Variants in PTPRT observed in about 807,000 individuals in gnomAD.
The protein encoded by PTPRT is protein tyrosine phosphatase receptor type T, also known as receptor-type tyrosine-protein phosphatase T.
PTPRT carries 56 observed loss-of-function variants against 176.8 expected under a neutral mutation model. The ratio of observed to expected loss-of-function variants is 0.32; its 90% CI spans 0.26 to 0.40. The LOEUF is 0.40. Ranked by LOEUF, PTPRT falls within the 10% of genes least tolerant of loss-of-function variation. The pLI is 1.00. For missense variants in PTPRT, 1,540 were observed against 1,908.2 expected (o/e 0.81, Z 3.60); for synonymous variants, 783 against 739.0 (o/e 1.06, Z -0.96).
chr20:42,241,840 T>G (rs892553081), intron 14 of PTPRT, among the ~76,000 whole-genome samples: 2 of 152,102 alleles, frequency 1.3e-5, no homozygotes, highest in African/African-American at 4.8e-5. Flanking sequence ...CCCACCTCGA[T>G]AAATCACTCA....
At chr20:42,665,885 T>C (rs1381063873) in intron 7 of PTPRT, among the ~76,000 whole-genome samples, 3 of 134,420 alleles carry the variant, frequency 2.2e-5, no homozygotes, top group African/African-American at 5.7e-5. Flanking sequence ...TAGGTGGGAA[T>C]TGAACAATGA....
At chr20:42,219,382 G>A (rs17314864) in intron 15 of PTPRT, among the ~76,000 whole-genome samples, 1 of 152,024 alleles carries the variant, frequency 6.6e-6, no homozygotes, top group Non-Finnish European at 1.5e-5. Flanking sequence ...GCTATGAAGG[G>A]TGTTATAATC....
intron 1 of PTPRT, among the ~76,000 whole-genome samples, chr20:43,026,209 C>T (rs534443909): frequency 1.3e-5 from 2 of 152,102 alleles, no homozygotes; most frequent in African/African-American, 2.4e-5. Flanking sequence ...CCTCCGCCTC[C>T]CAGATTCAAG....
chr20:42,206,238 A>T (rs1422495715), intron 15 of PTPRT, among the ~76,000 whole-genome samples: 1 of 152,220 alleles, frequency 6.6e-6, no homozygotes, highest in Non-Finnish European at 1.5e-5. Flanking sequence ...GCAAAGGCTG[A>T]GCTACATCAC....
At chr20:42,217,561 T>G (rs183290019) in intron 15 of PTPRT, among the ~76,000 whole-genome samples, 1 of 152,198 alleles carries the variant, frequency 6.6e-6, no homozygotes, top group Non-Finnish European at 1.5e-5. Context: ...ACATGTATCA[T>G]GTAGGTACCA....
At chr20:42,685,132 A>G (rs534396331) in intron 6 of PTPRT, among the ~76,000 whole-genome samples, 1 of 152,340 alleles carries the variant, frequency 6.6e-6, no homozygotes, top group African/African-American at 2.4e-5. Flanking sequence ...AATGGTATAC[A>G]CAAAAGGTCT....
At chr20:42,237,506 G>A (rs2056268932) in intron 14 of PTPRT, among the ~76,000 whole-genome samples, 1 of 152,226 alleles carries the variant, frequency 6.6e-6, no homozygotes, top group South Asian at 2.1e-4. Flanking sequence ...AAGTGAGGCT[G>A]CTGCCCCCCA....
rs190763054 is a variant in PTPRT at position 42,098,608 on chromosome 20, A to T, written c.3715-56T>A. The T allele has an allele frequency of 4.4e-6, 7 of 1,606,048 alleles. No individual in the cohort carries two copies. The African/African-American group carries it at 6.7e-5, about 15-fold the overall frequency. On this transcript the variant is annotated intron_variant, in intron 26 of 30. Coordinates refer to ENST00000373187, the MANE Select transcript of PTPRT (RefSeq NM_007050.6). ...TTACACATCCATCAGTGATATTCTG[A>T]TGATGATGAGGCCTGGACTGAGGCC...
intron 13 of PTPRT, among the ~76,000 whole-genome samples, chr20:42,266,613 C>T (rs1404897015): frequency 6.6e-6 from 1 of 152,198 alleles, no homozygotes; most frequent in Admixed American, 6.5e-5. Context: ...ATAAACATTC[C>T]TGACCTCTAC....
At chr20:42,166,936 G>C (rs200015586) in intron 16 of PTPRT, among the ~76,000 whole-genome samples, 3 of 149,936 alleles carry the variant, frequency 2.0e-5, no homozygotes, top group African/African-American at 7.5e-5. Flanking sequence ...AAAAAAAAAA[G>C]GGGGGTCTGT....
intron 3 of PTPRT, among the ~76,000 whole-genome samples, chr20:42,783,286 A>AATGACAGG (rs2077240283): frequency 6.6e-6 from 1 of 152,188 alleles, no homozygotes; most frequent in South Asian, 2.1e-4. Flanking sequence ...TTAAAAGTCA[A>AATGACAGG]ATGACAGGTT....
intron 27 of PTPRT, among the ~76,000 whole-genome samples, chr20:42,094,679 C>G (rs1985012571): frequency 6.6e-6 from 1 of 152,146 alleles, no homozygotes; most frequent in African/African-American, 2.4e-5. Flanking sequence ...CACCTGAGAT[C>G]AGGAGATCAA....
intron 11 of PTPRT, among the ~76,000 whole-genome samples, chr20:42,336,962 G>A (rs767130122): frequency 1.8e-4 from 27 of 152,110 alleles, no homozygotes; most frequent in Non-Finnish European, 3.4e-4. Context: ...ACTTTCTGTG[G>A]CCTCCAGAGT....
chr20:42,980,376 C>G (rs778093304), intron 1 of PTPRT, among the ~76,000 whole-genome samples: 1 of 152,170 alleles, frequency 6.6e-6, no homozygotes, highest in African/African-American at 2.4e-5. Context: ...ACCTGTGCAA[C>G]GGGGAAATAG....
chr20:43,147,556 T>C (rs976828766), intron 1 of PTPRT, among the ~76,000 whole-genome samples: 1 of 152,182 alleles, frequency 6.6e-6, no homozygotes, highest in Non-Finnish European at 1.5e-5. Context: ...AATTAAGTAA[T>C]ATTTATATTA....
At chr20:42,288,910 G>T (rs1180823719) in intron 12 of PTPRT, among the ~76,000 whole-genome samples, 1 of 151,850 alleles carries the variant, frequency 6.6e-6, no homozygotes, top group Non-Finnish European at 1.5e-5. Context: ...TCAAATGGTG[G>T]TTATGTTTTT....
rs1300080181 is a variant in PTPRT, at chr20:42,078,957, G to GGAAA, written c.*1921_*1922insTTTC. ...GGTTCCATTTCCCCAGCATACAGTGGGCTCTTGAGGGCCAAAGCTGTACCT... is the reference window on the plus strand; with the variant it reads ...GGTTCCATTTCCCCAGCATACAGTGGGAAAGCTCTTGAGGGCCAAAGCTGTACCT... On this transcript the variant is annotated 3_prime_UTR_variant, in exon 31 of 31. Transcript: ENST00000373187. 1.1e-5 allele frequency: 2 copies of GGAAA among 176,844 alleles called. No individual in the cohort carries two copies. Among genetic ancestry groups the GGAAA allele is most frequent in the African/African-American group, 4.7e-5 (2 of 42,192 alleles). The allele number at this position is 176,844 out of a possible 1,614,324, so 11.0% of individuals were successfully genotyped here. A position where few individuals can be genotyped will look rare whatever the true frequency, so the allele number is the denominator to read the frequency against.
intron 1 of PTPRT, among the ~76,000 whole-genome samples, chr20:43,040,767 C>G (rs749095226): frequency 5.9e-5 from 9 of 152,198 alleles, no homozygotes; most frequent in Non-Finnish European, 1.2e-4. Context: ...GAGGCCATGT[C>G]TGGGTAGCCA....
intron 27 of PTPRT, among the ~76,000 whole-genome samples, chr20:42,097,645 T>C (rs73129186): frequency 0.061 from 9,298 of 152,238 alleles, 366 homozygotes; most frequent in African/African-American, 0.087. Flanking sequence ...ATAGCTCAGG[T>C]CTGTTTAAAA....
Sources: gnomAD v4.1 joint callset for allele counts (sites outside exome capture counted in the v4.1 genomes callset) on GRCh38, gnomAD v4.1.1 for gene constraint, MANE v1.5 for transcripts, NCBI Gene and HGNC (gene_info 2026-07-23, HGNC 2026-07-21) for gene names.